The following MTAP variants were observed in gnomAD, a reference collection of about 807,000 sequenced individuals.
The protein encoded by MTAP is S-methyl-5'-thioadenosine phosphorylase.
A neutral mutation model predicts 33.6 loss-of-function variants in MTAP; 33 were observed. The ratio of observed to expected loss-of-function variants is 0.98; its 90% confidence interval spans 0.74 to 1.31. The LOEUF is 1.31. Among genes scored for constraint, MTAP ranks in the 40% most tolerant of loss-of-function variants. The pLI, the probability that MTAP is intolerant of heterozygous loss-of-function variation, is 0.00. For missense variants in MTAP, 367 were observed against 360.0 expected, an observed-to-expected ratio of 1.02 and a Z score of -0.16; for synonymous variants, 148 against 125.7, an observed-to-expected ratio of 1.18 and a Z score of -1.19.
chr9:21,937,160 GAA>G (rs1195262189), exon 8 of MTAP: 1 of 152,226 alleles, frequency 6.6e-6, no homozygotes. Context: ...AGACCATGGT[GAA>G]ACTCCATCTC....
At chr9:21,861,844 GA>G in intron 7 of MTAP, 131 bp from the exon 8 acceptor site, 1 of 687,884 alleles carries the variant, frequency 1.5e-6, no homozygotes, top group Non-Finnish European at 2.6e-6. Flanking sequence ...ATTTTCTGTA[GA>G]ATTTATTTAA....
In MTAP at chr9:21,865,229, T is replaced by C. The variant is rs1231250228; in HGVS notation, c.*3215T>C. 2.6e-5 allele frequency: 13 copies of C among 508,500 alleles called. No homozygotes were observed. The highest frequency in any genetic ancestry group is 3.3e-5 in the Non-Finnish European group (13 of 394,150). 31.5% of individuals were successfully genotyped at this position (508,500 alleles called of 1,614,324 possible). A position where few individuals can be genotyped will look rare whatever the true frequency, so the allele number is the denominator to read the frequency against. ...CATGATACTGAGTTCTCACAAGTCC[T>C]GTTTGTTTTATAAGGGGCTTTTCCC... On this transcript the variant is annotated 3_prime_UTR_variant, in exon 8 of 8. Transcript: ENST00000644715.
In MTAP at chr9:21,831,457, G is replaced by A. The variant is rs117059882; in HGVS notation, c.348-6451G>A. On this transcript the variant is annotated intron_variant, in intron 4 of 7. Coordinates refer to ENST00000644715, the MANE Select transcript of MTAP (RefSeq NM_002451.4). Reference sequence around the variant, plus strand: ...GCTTAAGCAATCCTCAGCCCGTCTAGTAGCTAGGATTACAGGAATCTGCCA... The same window carrying A: ...GCTTAAGCAATCCTCAGCCCGTCTAATAGCTAGGATTACAGGAATCTGCCA... 6.4e-3 allele frequency among the ~76,000 whole-genome samples: 977 copies of A among 152,034 alleles called. 22 individuals carry two copies. The highest frequency in any genetic ancestry group is 0.058 in the East Asian group (302 of 5,164).
intron 1 of MTAP, chr9:21,812,485 A>G (rs1347772057): frequency 1.3e-5 from 2 of 152,608 alleles, no homozygotes; most frequent in East Asian, 3.9e-4. Context: ...TGTGTAATAA[A>G]GAAGTCCTGG....
Position 21,863,591 on chromosome 9 carries a change from CCAGCCTGGGCAACAGAGTAAGA to C in MTAP, c.*1579_*1600del. On this transcript the variant is annotated 3_prime_UTR_variant, in exon 8 of 8. Coordinates refer to ENST00000644715, the MANE Select transcript of MTAP (RefSeq NM_002451.4). ...TGAGACGAGCTTGTGCCACTGCACT[CCAGCCTGGGCAACAGAGTAAGA>C]CTCAGTCTCAAAAAAAAAAAAAAGA... The C allele has an allele frequency of 1.0e-6, 1 of 964,928 alleles. No individual in the cohort carries two copies. The highest frequency in any genetic ancestry group is 1.2e-6 in the Non-Finnish European group (1 of 812,232). The allele number at this position is 964,928 out of a possible 1,614,324, so 59.8% of individuals were successfully genotyped here.
intron 4 of MTAP, among the ~76,000 whole-genome samples, chr9:21,834,031 T>C (rs528280397): frequency 1.3e-5 from 2 of 152,356 alleles, no homozygotes; most frequent in African/African-American, 2.4e-5. Flanking sequence ...GCTTTTCTTA[T>C]CACATATCCC....
intron 4 of MTAP, among the ~76,000 whole-genome samples, chr9:21,818,524 C>A (rs1005863188): frequency 6.6e-6 from 1 of 151,702 alleles, no homozygotes; most frequent in Admixed American, 6.6e-5. Context: ...GATGGAGTTT[C>A]GTCATATTGG....
intron 6 of MTAP, among the ~76,000 whole-genome samples, 184 bp downstream of exon 6, chr9:21,855,054 CT>C (rs1250560909): frequency 6.6e-6 from 1 of 152,184 alleles, no homozygotes; most frequent in African/African-American, 2.4e-5. Context: ...GAAAGAGACA[CT>C]TTTACCCAAG....
At chr9:21,824,157 C>G (rs1226323847) in intron 4 of MTAP, among the ~76,000 whole-genome samples, 1 of 152,204 alleles carries the variant, frequency 6.6e-6, no homozygotes, top group Non-Finnish European at 1.5e-5. Context: ...AGCTGTGTTC[C>G]TTTGGAGGGG....
At chr9:21,887,189 C>T (rs1818125841) in intron 1 of MTAP, among the ~76,000 whole-genome samples, 1 of 152,150 alleles carries the variant, frequency 6.6e-6, no homozygotes, top group East Asian at 1.9e-4. Context: ...TATACATGTG[C>T]CATGTTGGTG....
At chr9:21,837,256 G>T (rs1301150641) in intron 4 of MTAP, among the ~76,000 whole-genome samples, 3 of 152,118 alleles carry the variant, frequency 2.0e-5, no homozygotes, top group African/African-American at 7.2e-5. Flanking sequence ...CAAGACAAGT[G>T]GCTCTTTATT....
intron 1 of MTAP, among the ~76,000 whole-genome samples, chr9:21,874,802 C>G (rs376805064): frequency 6.6e-6 from 1 of 151,704 alleles, no homozygotes; most frequent in East Asian, 1.9e-4. Context: ...TAACCATCAA[C>G]CCGTCATCTA....
Position 21,859,383 on chromosome 9 carries a change from G to T in MTAP, c.771G>T (p.Gln257His), listed in dbSNP as rs1212753815. The T allele has an allele frequency of 3.7e-6, 6 of 1,613,406 alleles. No individual in the cohort carries two copies. Among genetic ancestry groups the T allele is most frequent in the African/African-American group, 1.3e-5 (1 of 74,924 alleles). Residue 257 changes from glutamine (Q) to histidine (H), a missense_variant, in exon 7 of 8, where the codon CAG becomes CAT. Physicochemically the swap from Gln to His is conservative, Grantham distance 24. Coordinates refer to ENST00000644715, the MANE Select transcript of MTAP (RefSeq NM_002451.4). ...GCTTACTGCTCACTACCATACCTCA[G>T]ATAGGGTCCACAGAATGGTCAGAAA... ...AKSLLLTTIP[Q>H]IGSTEWSETL...
intron 1 of MTAP, among the ~76,000 whole-genome samples, chr9:21,874,198 G>A (rs114950430): frequency 6.6e-4 from 100 of 152,112 alleles, no homozygotes; most frequent in African/African-American, 2.3e-3. Context: ...TCTGCCACCC[G>A]GCTTCAAGAA....
In MTAP at chr9:21,837,974, T is replaced by C; in HGVS notation, c.414T>C (p.Ile138=). The part of the protein sequence containing the change: ...SHSCARGVCH[I]PMAEPFCPKT... ...CTTGTGCCAGAGGAGTGTGCCATAT[T>C]CCAATGGCTGAGCCGTTTTGCCCCA... is the stretch of plus-strand genomic sequence containing the variant. Residue 138 remains isoleucine, a synonymous_variant, in exon 5 of 8, where the codon ATT becomes ATC. Coordinates refer to ENST00000644715, the MANE Select transcript of MTAP (RefSeq NM_002451.4). 6.2e-7 allele frequency: 1 copy of C among 1,614,092 alleles called. No homozygotes were observed. Among genetic ancestry groups the C allele is most frequent in the South Asian group, 1.1e-5 (1 of 91,062 alleles).
chr9:21,897,376 G>C (rs747906932), intron 1 of MTAP, among the ~76,000 whole-genome samples: 1 of 151,894 alleles, frequency 6.6e-6, no homozygotes, highest in Non-Finnish European at 1.5e-5. Flanking sequence ...GGAAGTTCTA[G>C]CCAGGGCAAT....
At chr9:21,939,631 A>C (rs1819102049), downstream of MTAP, among the ~76,000 whole-genome samples, 1 of 152,148 alleles carries the variant, frequency 6.6e-6, no homozygotes, top group Non-Finnish European at 1.5e-5. Context: ...TGGGAGGCCA[A>C]GGAGGGCTGA....
At chr9:21,830,055 G>A (rs1824928892) in intron 4 of MTAP, among the ~76,000 whole-genome samples, 2 of 152,236 alleles carry the variant, frequency 1.3e-5, no homozygotes, top group South Asian at 4.1e-4. Flanking sequence ...GTTCAAGTAT[G>A]TTTGGGTATG....
In MTAP at chr9:21,859,522, C is replaced by G; in HGVS notation, c.813+97C>G. 4 of 1,381,440 alleles carry G rather than the reference C, an allele frequency of 2.9e-6. No individual in the cohort carries two copies. In the South Asian group the frequency reaches 6.4e-5, roughly 22 times the overall value. 85.6% of individuals were successfully genotyped at this position (1,381,440 alleles called of 1,614,324 possible). ...ACCTTTGGTCCTCATGTATTTTATG[C>G]CAGCCTAGATGTTTTCAACAAGTTT... On this transcript the variant is annotated intron_variant, in intron 7 of 7. Transcript: ENST00000644715.
Sources: allele counts gnomAD v4.1 joint callset (sites outside exome capture counted in the v4.1 genomes callset), GRCh38; gene constraint gnomAD v4.1.1; transcripts MANE v1.5; gene names NCBI Gene and HGNC (gene_info 2026-07-23, HGNC 2026-07-21).